The following DCAF6 variants were observed in gnomAD, a reference collection of about 807,000 sequenced individuals.
DCAF6 encodes DDB1 and CUL4 associated factor 6.
Under a neutral mutation model 125.1 loss-of-function variants are expected in DCAF6, and 54 were observed. The observed-to-expected ratio is 0.43, with a 90% CI of 0.35 to 0.54. The LOEUF (loss-of-function observed/expected upper bound fraction) is 0.54. DCAF6 is among the 20% of genes least tolerant of loss of function. The probability of loss-of-function intolerance (pLI) is 0.01; values close to 1 mark genes in which losing one functional copy is unlikely to be tolerated. For synonymous variants in DCAF6, 371 were observed against 390.4 expected, an observed-to-expected ratio of 0.95 and a Z score of 0.58; for missense variants, 934 against 1,161.7, an observed-to-expected ratio of 0.80 and a Z score of 2.85.
chr1:167,942,278 G>C (rs183131100), intron 1 of DCAF6, among the ~76,000 whole-genome samples: 3 of 150,482 alleles, frequency 2.0e-5, no homozygotes, highest in Non-Finnish European at 4.5e-5. Flanking sequence ...TGGTCAGGCT[G>C]GTCTCGAACT....
intron 6 of DCAF6, among the ~76,000 whole-genome samples, chr1:167,992,414 T>C (rs1459567817): frequency 2.0e-5 from 3 of 152,202 alleles, no homozygotes; most frequent in Admixed American, 6.5e-5. Flanking sequence ...ATGAGATCTT[T>C]CTTTTCGGAA....
chr1:167,972,832 G>C (rs534220498), intron 3 of DCAF6, among the ~76,000 whole-genome samples: 1 of 152,280 alleles, frequency 6.6e-6, no homozygotes, highest in African/African-American at 2.4e-5. Context: ...TTGTTCAAAG[G>C]AACGGGCCCC....
chr1:168,030,572 TAAAAG>T (rs1392355759), intron 12 of DCAF6, among the ~76,000 whole-genome samples: 1 of 152,148 alleles, frequency 6.6e-6, no homozygotes, highest in Non-Finnish European at 1.5e-5. Flanking sequence ...GATCTGGTGA[TAAAAG>T]TAAGGTAGGA....
intron 1 of DCAF6, among the ~76,000 whole-genome samples, chr1:167,940,140 A>G (rs1672006589): frequency 6.6e-6 from 1 of 152,190 alleles, no homozygotes; most frequent in Non-Finnish European, 1.5e-5. Flanking sequence ...CTTTCTTCCC[A>G]TCAAAGAAAA....
chr1:167,878,500 T>G, the DCAF6 span: 3 of 1,614,166 alleles, frequency 1.9e-6, no homozygotes. Context: ...TGCAACACCT[T>G]TCATAACTTT....
At chr1:168,027,051 T>G (rs1383179700) in intron 12 of DCAF6, among the ~76,000 whole-genome samples, 1 of 152,084 alleles carries the variant, frequency 6.6e-6, no homozygotes, top group African/African-American at 2.4e-5. Flanking sequence ...AGGGACAGGT[T>G]AGTAATGCCA....
intron 11 of DCAF6, among the ~76,000 whole-genome samples, chr1:168,021,570 T>G (rs928583933): frequency 6.6e-6 from 1 of 152,310 alleles, no homozygotes; most frequent in South Asian, 2.1e-4. Flanking sequence ...CACTTTCTTT[T>G]TTGTGTACTA....
chr1:167,948,178 C>T (rs1210344978), intron 1 of DCAF6, among the ~76,000 whole-genome samples: 3 of 147,316 alleles, frequency 2.0e-5, no homozygotes, highest in Non-Finnish European at 4.5e-5. Flanking sequence ...TTTTCTCTTG[C>T]CATTTTTAGG....
the DCAF6 span, among the ~76,000 whole-genome samples, chr1:167,864,329 G>A: frequency 5.3e-5 from 8 of 152,248 alleles, no homozygotes; most frequent in South Asian, 1.0e-3. Context: ...GGGAGATTAC[G>A]GTGTTACTAT....
chr1:167,980,156 G>T (rs1357111588), intron 4 of DCAF6, among the ~76,000 whole-genome samples: 1 of 152,134 alleles, frequency 6.6e-6, no homozygotes, highest in Non-Finnish European at 1.5e-5. Context: ...ACTCCAGCCT[G>T]GCGACAGAGT....
chr1:167,884,533 C>T, the DCAF6 span, among the ~76,000 whole-genome samples: 2 of 152,046 alleles, frequency 1.3e-5, no homozygotes, highest in African/African-American at 4.8e-5. Context: ...TTATTTTTTA[C>T]TATAGTTACC....
chr1:167,919,784 C>A, the DCAF6 span, among the ~76,000 whole-genome samples: 1 of 151,742 alleles, frequency 6.6e-6, no homozygotes, highest in African/African-American at 2.4e-5. Flanking sequence ...ATTTGTAAAC[C>A]CCTAGACTTT....
the DCAF6 span, among the ~76,000 whole-genome samples, chr1:167,863,619 A>C: frequency 6.6e-6 from 1 of 152,188 alleles, no homozygotes; most frequent in Non-Finnish European, 1.5e-5. Context: ...CAGATGGTCG[A>C]GGCAGCTCCT....
rs143386421 is a variant in DCAF6, at chr1:168,042,281, T to G, written c.1728-744T>G. Among the ~76,000 whole-genome samples the G allele has an allele frequency of 2.1e-3, 319 of 152,238 alleles. 2 individuals are homozygous for G. Among genetic ancestry groups the G allele is most frequent in the African/African-American group, 7.2e-3 (298 of 41,572 alleles). ...AAGAATTGTTGCATTTCTATGAACT[T>G]AATTTAAATCTCAGTCAGATTGTTA... On this transcript the variant is annotated intron_variant, in intron 13 of 21. Coordinates refer to ENST00000367840, the MANE Select transcript of DCAF6 (RefSeq NM_001198956.2).
chr1:167,902,923 A>G, the DCAF6 span, among the ~76,000 whole-genome samples: 3 of 152,234 alleles, frequency 2.0e-5, no homozygotes, highest in African/African-American at 7.2e-5. Flanking sequence ...CAATCTCTTA[A>G]TGACTATCTT....
chr1:168,004,060 C>A (rs2103081405), intron 9 of DCAF6, 71 bp downstream of exon 9: 1 of 1,538,128 alleles, frequency 6.5e-7, no homozygotes, highest in South Asian at 1.2e-5. Context: ...GTTTTTATTT[C>A]TATCATGTAA....
At chr1:168,045,397 A>T (rs537794806) in intron 16 of DCAF6, among the ~76,000 whole-genome samples, 170 bp downstream of exon 16, 1 of 152,330 alleles carries the variant, frequency 6.6e-6, no homozygotes, top group South Asian at 2.1e-4. Flanking sequence ...TTTACGTATT[A>T]TATTCTTTGA....
intron 13 of DCAF6, among the ~76,000 whole-genome samples, chr1:168,038,823 A>G (rs747833725): frequency 2.0e-5 from 3 of 152,014 alleles, no homozygotes; most frequent in Non-Finnish European, 2.9e-5. Flanking sequence ...AAATATAAAC[A>G]TTTTGGGACT....
rs998649633 is a variant in DCAF6, at chr1:168,045,075, C to T, written c.2106C>T (p.Thr702=). ...STESATNENN[T]NPEPQFQTEA... Reference sequence around the variant, plus strand: ...AGAGTGCTACCAATGAAAATAACACCAATCCTGAGCCTCAGTTCCAAACAG... The same window carrying T: ...AGAGTGCTACCAATGAAAATAACACTAATCCTGAGCCTCAGTTCCAAACAG... Residue 702 remains threonine (T), a synonymous_variant, in exon 16 of 22, where the codon ACC becomes ACT. Coordinates refer to ENST00000367840, the MANE Select transcript of DCAF6 (RefSeq NM_001198956.2). The T allele has an allele frequency of 6.2e-7, 1 of 1,613,926 alleles. No homozygotes were observed. The highest frequency in any genetic ancestry group is 1.1e-5 in the South Asian group (1 of 91,088).
Sources: allele counts gnomAD v4.1 joint callset (sites outside exome capture counted in the v4.1 genomes callset), GRCh38; gene constraint gnomAD v4.1.1; transcripts MANE v1.5; gene names NCBI Gene and HGNC (gene_info 2026-07-23, HGNC 2026-07-21).